Variants in ACSF3 observed in about 807,000 individuals in gnomAD.
ACSF3 encodes malonate--CoA ligase ACSF3, mitochondrial.
In ACSF3, 78 loss-of-function variants were observed where a neutral mutation model predicts 53.2. The ratio of observed to expected loss-of-function variants is 1.47; its 90% CI spans 1.22 to 1.77. The LOEUF (loss-of-function observed/expected upper bound fraction) is 1.77. ACSF3 is among the 40% of genes most tolerant of loss of function. The pLI, the probability that ACSF3 is intolerant of heterozygous loss-of-function variation, is 0.00. For synonymous variants in ACSF3, 414 were observed against 333.1 expected, an observed-to-expected ratio of 1.24 and a Z score of -2.65; for missense variants, 937 against 771.1, an observed-to-expected ratio of 1.22 and a Z score of -2.55.
Position 89,098,674 on chromosome 16 carries a change from C to A in ACSF3, c.-110C>A, listed in dbSNP as rs778787971. On this transcript the variant is annotated 5_prime_UTR_variant, in exon 2 of 11. It introduces an in-frame stop codon into an upstream open reading frame of the 5' UTR. Coordinates refer to ENST00000614302, the MANE Select transcript of ACSF3 (RefSeq NM_001243279.3). ...AGCATTTGCATTGCCTGCACCTTAT[C>A]GTGCCCTTCCACCTGCTGAAGCAGC... 4.4e-6 allele frequency: 2 copies of A among 454,032 alleles called. No individual in the cohort carries two copies. The highest frequency in any genetic ancestry group is 8.8e-6 in the Non-Finnish European group (2 of 226,790). The allele number at this position is 454,032 out of a possible 1,614,324, so 28.1% of individuals were successfully genotyped here.
chr16:89,102,728 G>C lies in ACSF3; in HGVS notation c.791G>C (p.Cys264Ser). Residue 264 changes from cysteine (C) to serine (S), a missense_variant, in exon 4 of 11, where the codon TGT becomes TCT. Transcript: ENST00000614302. ...LLCPLWVGAT[C>S]VMMPEFSPQQ... Reference sequence around the variant, plus strand: ...TGTCCTCTCTGGGTGGGAGCCACCTGTGTGATGATGCCTGAGTTCAGCCCT... The same window carrying C: ...TGTCCTCTCTGGGTGGGAGCCACCTCTGTGATGATGCCTGAGTTCAGCCCT... The C allele has an allele frequency of 6.2e-7, 1 of 1,612,852 alleles. No individual in the cohort carries two copies.
chr16:89,120,988 A>C, intron 7 of ACSF3, 75 bp downstream of exon 7: 1 of 1,335,080 alleles, frequency 7.5e-7, no homozygotes, highest in Admixed American at 1.7e-5. Flanking sequence ...ACACTGGTGC[A>C]TCTTTCCCCT....
rs1469115828 is a variant in ACSF3 at position 89,093,943 on chromosome 16, G to C, written c.-247G>C. The C allele has an allele frequency of 2.5e-5, 8 of 326,356 alleles. No homozygotes were observed. The highest frequency in any genetic ancestry group is 4.5e-5 in the Non-Finnish European group (7 of 156,354). 20.2% of individuals were successfully genotyped at this position (326,356 alleles called of 1,614,324 possible). The stretch of plus-strand genomic sequence containing the variant: ...CCCCGGCGCGCGCGCGGCGGAGGAC[G>C]AGGAAGAGTTGTGGCGAGGCAGATC... On this transcript the variant is annotated 5_prime_UTR_variant, in exon 1 of 11. Coordinates refer to ENST00000614302, the MANE Select transcript of ACSF3 (RefSeq NM_001243279.3).
intron 7 of ACSF3, among the ~76,000 whole-genome samples, chr16:89,131,720 C>G (rs1015456088): frequency 6.6e-6 from 1 of 152,020 alleles, no homozygotes; most frequent in Non-Finnish European, 1.5e-5. Flanking sequence ...CTTGCTGTCT[C>G]TACATGTCCC....
At chr16:89,140,808 A>G (rs540491031) in intron 8 of ACSF3, among the ~76,000 whole-genome samples, 19 of 152,342 alleles carry the variant, frequency 1.2e-4, no homozygotes, top group Middle Eastern at 3.4e-3. Context: ...GAGTATTGGA[A>G]GATTTATTTT....
At chr16:89,137,002 GAC>G (rs972312914) in intron 8 of ACSF3, among the ~76,000 whole-genome samples, 3 of 152,228 alleles carry the variant, frequency 2.0e-5, no homozygotes, top group South Asian at 4.1e-4. Flanking sequence ...CTCGCTCAGA[GAC>G]ACACGCGCAC....
intron 7 of ACSF3, among the ~76,000 whole-genome samples, chr16:89,126,144 T>G (rs1598012964): frequency 6.6e-6 from 1 of 152,254 alleles, no homozygotes; most frequent in African/African-American, 2.4e-5. Context: ...ATTCAGCATA[T>G]AGATGCTGTA....
chr16:89,110,885 C>T (rs867150618), intron 4 of ACSF3, among the ~76,000 whole-genome samples: 2 of 152,190 alleles, frequency 1.3e-5, no homozygotes, highest in South Asian at 4.1e-4. Flanking sequence ...GCACTCTGGT[C>T]GCCTGTGTCT....
intron 1 of ACSF3, among the ~76,000 whole-genome samples, chr16:89,097,908 G>GCGTGGCT (rs1361926476): frequency 6.6e-6 from 1 of 152,214 alleles, no homozygotes; most frequent in Non-Finnish European, 1.5e-5. Context: ...TCAGGGCCCT[G>GCGTGGCT]CGTGGCTCGT....
intron 7 of ACSF3, among the ~76,000 whole-genome samples, chr16:89,125,066 G>A (rs4782325): frequency 0.7 from 106,820 of 152,118 alleles, 38,048 homozygotes; most frequent in Middle Eastern, 0.78. Flanking sequence ...TTGTCTAGCC[G>A]GGCCTGGTGG....
intron 4 of ACSF3, among the ~76,000 whole-genome samples, chr16:89,110,906 G>A (rs542388246): frequency 1.5e-4 from 23 of 152,208 alleles, no homozygotes; most frequent in East Asian, 7.7e-4. Flanking sequence ...TTGCTTTCCC[G>A]TCTGTGGGTC....
At chr16:89,152,560 A>C (rs1229956506) in intron 10 of ACSF3, 2 of 152,352 alleles carry the variant, frequency 1.3e-5, no homozygotes, top group Admixed American at 1.3e-4. Flanking sequence ...GCAAGCCGAG[A>C]CTGCACCACT....
At position 89,093,871 on chromosome 16, in the gene ACSF3, C is replaced by A. The variant is rs1299436944; in HGVS notation, c.-319C>A. ...GAAGCTGTTGGGCGCCGGAACTGGT[C>A]CGGCCCGACTCACGACCCCGCGGGA... On this transcript the variant is annotated 5_prime_UTR_variant, in exon 1 of 11. Transcript: ENST00000614302. 1 of 313,772 alleles carries A rather than the reference C, an allele frequency of 3.2e-6. No individual in the cohort carries two copies. The highest frequency in any genetic ancestry group is 3.3e-5 in the Admixed American group (1 of 30,136). 19.4% of individuals were successfully genotyped at this position (313,772 alleles called of 1,614,324 possible). A position where few individuals can be genotyped will look rare whatever the true frequency, so the allele number is the denominator to read the frequency against.
At position 89,111,068 on chromosome 16, in the gene ACSF3, C is replaced by T. The variant is rs564027302; in HGVS notation, c.823-1024C>T. Among the ~76,000 whole-genome samples, 170 of 152,298 alleles carry T rather than the reference C, an allele frequency of 1.1e-3. 2 individuals carry two copies. Among genetic ancestry groups the T allele is most frequent in the African/African-American group, 3.7e-3 (153 of 41,538 alleles). On this transcript the variant is annotated intron_variant, in intron 4 of 10. Transcript: ENST00000614302. Reference sequence around the variant, plus strand: ...AGTTCCACTTCTCTTTGCAATTCTCCATCTTCCCCACGTTGTTCATCTTTT... The same window carrying T: ...AGTTCCACTTCTCTTTGCAATTCTCTATCTTCCCCACGTTGTTCATCTTTT...
chr16:89,145,049 C>A, intron 8 of ACSF3: 2 of 1,302,480 alleles, frequency 1.5e-6, no homozygotes, highest in Non-Finnish European at 2.1e-6. Flanking sequence ...ATCATGGGCA[C>A]AGTCCCACCT....
At chr16:89,123,451 G>A (rs371504914) in intron 7 of ACSF3, among the ~76,000 whole-genome samples, 5 of 152,164 alleles carry the variant, frequency 3.3e-5, no homozygotes, top group Admixed American at 6.5e-5. Flanking sequence ...GAACCCGAGG[G>A]TGCCCCTCAC....
intron 8 of ACSF3, among the ~76,000 whole-genome samples, chr16:89,133,824 G>T (rs1909844969): frequency 6.6e-6 from 1 of 152,248 alleles, no homozygotes; most frequent in Non-Finnish European, 1.5e-5. Flanking sequence ...GAACAGGCCT[G>T]TGGGTGAGTG....
At chr16:89,121,202 T>A (rs1328401273) in intron 7 of ACSF3, among the ~76,000 whole-genome samples, 1 of 152,248 alleles carries the variant, frequency 6.6e-6, no homozygotes, top group Non-Finnish European at 1.5e-5. Context: ...AGGGGCCCTG[T>A]CCACGGGGAC....
intron 7 of ACSF3, among the ~76,000 whole-genome samples, chr16:89,127,265 T>C (rs1035263986): frequency 3.9e-5 from 6 of 152,172 alleles, no homozygotes; most frequent in Non-Finnish European, 8.8e-5. Flanking sequence ...TCTTTTTTTT[T>C]CTGGAAGAGA....
Sources: gnomAD v4.1 joint callset for allele counts (sites outside exome capture counted in the v4.1 genomes callset) on GRCh38, gnomAD v4.1.1 for gene constraint, MANE v1.5 for transcripts, NCBI Gene and HGNC (gene_info 2026-07-23, HGNC 2026-07-21) for gene names.